The following NSD2 variants were observed in gnomAD, a reference collection of about 807,000 sequenced individuals.
NSD2 encodes the protein histone-lysine N-methyltransferase NSD2.
NSD2 carries 12 observed loss-of-function variants against 139.0 expected under a neutral mutation model. The observed-to-expected ratio is 0.09, with a 90% confidence interval of 0.06 to 0.14. The LOEUF (loss-of-function observed/expected upper bound fraction) is 0.14. Ranked by LOEUF, NSD2 falls within the 10% of genes least tolerant of loss-of-function variation. NSD2 has a pLI of 1.00. For missense variants in NSD2, 1,155 were observed against 1,745.0 expected (o/e 0.66, Z 6.02); for synonymous variants, 669 against 648.7 (o/e 1.03, Z -0.48).
chr4:1,963,397 A>C (rs1725560911), intron 18 of NSD2, among the ~76,000 whole-genome samples: 1 of 152,168 alleles, frequency 6.6e-6, no homozygotes, highest in African/African-American at 2.4e-5. Context: ...GGGACTAATA[A>C]ACTTGCCCCA....
At chr4:1,946,595 T>C (rs1723660302) in intron 9 of NSD2, 5 of 1,025,460 alleles carry the variant, frequency 4.9e-6, no homozygotes, top group Non-Finnish European at 5.9e-6. Flanking sequence ...AAAAGAAATA[T>C]TCTGATTCAT....
At chr4:1,975,724 G>A in intron 20 of NSD2, 1 of 284,814 alleles carries the variant, frequency 3.5e-6, no homozygotes, top group Non-Finnish European at 6.6e-6. Flanking sequence ...CGTTCCTGGT[G>A]GCGGCCACAG....
At chr4:1,967,451 G>A (rs533200589) in intron 18 of NSD2, among the ~76,000 whole-genome samples, 6 of 151,930 alleles carry the variant, frequency 3.9e-5, no homozygotes, top group Non-Finnish European at 7.4e-5. Flanking sequence ...GGTGGCGGGC[G>A]CCCATAATCC....
At chr4:1,966,981 A>G (rs1417677883) in intron 18 of NSD2, among the ~76,000 whole-genome samples, 1 of 152,230 alleles carries the variant, frequency 6.6e-6, no homozygotes, top group African/African-American at 2.4e-5. Flanking sequence ...CAATGAAACC[A>G]AAAGTTTGTT....
chr4:1,894,820 A>AT (rs1267700736), intron 1 of NSD2, among the ~76,000 whole-genome samples: 4 of 152,292 alleles, frequency 2.6e-5, no homozygotes, highest in Admixed American at 6.5e-5. Flanking sequence ...CATTTTAACT[A>AT]TTTTAAAGCA....
chr4:1,934,625 G>A (rs1256597114), intron 6 of NSD2, among the ~76,000 whole-genome samples: 6 of 149,472 alleles, frequency 4.0e-5, no homozygotes, highest in East Asian at 2.0e-4. Flanking sequence ...CGAGGCAGGC[G>A]GATCACGAGG....
chr4:1,930,326 G>C (rs112200469), intron 5 of NSD2, among the ~76,000 whole-genome samples: 2,838 of 152,282 alleles, frequency 0.019, 56 homozygotes, highest in Middle Eastern at 0.054. Context: ...TGGGTCTTAA[G>C]TGAGTTAGTG....
At chr4:1,912,883 T>A in intron 3 of NSD2, among the ~76,000 whole-genome samples, 1 of 152,182 alleles carries the variant, frequency 6.6e-6, no homozygotes, top group East Asian at 1.9e-4. Context: ...TTATTTACAT[T>A]GTTTTCTGTA....
intron 5 of NSD2, among the ~76,000 whole-genome samples, chr4:1,922,663 C>T (rs528824082): frequency 3.3e-5 from 5 of 152,302 alleles, no homozygotes; most frequent in South Asian, 2.1e-4. Flanking sequence ...TGGTGGCTTA[C>T]GCCTGTAATC....
intron 1 of NSD2, among the ~76,000 whole-genome samples, chr4:1,876,643 A>G (rs932261845): frequency 1.1e-4 from 17 of 152,154 alleles, no homozygotes; most frequent in African/African-American, 4.1e-4. Context: ...GTGAGCTGTG[A>G]TCATACCACC....
At chr4:1,888,410 CAAAAAAAAAAAAAAA>C in intron 1 of NSD2, among the ~76,000 whole-genome samples, 1 of 53,232 alleles carries the variant, frequency 1.9e-5, no homozygotes. Context: ...GAGATTGCCT[CAAAAAAAAAAAAAAA>C]AAAAAAAAAA....
chr4:1,946,926 AGTT>A (rs1174623979), intron 9 of NSD2: 1 of 1,058,488 alleles, frequency 9.4e-7, no homozygotes, highest in Non-Finnish European at 1.1e-6. Context: ...GCCTACCTAT[AGTT>A]GTTGGCCTTT....
Position 1,900,686 on chromosome 4 carries a change from C to G in NSD2, c.32C>G (p.Ser11Cys), listed in dbSNP as rs199734752. Residue 11 changes from serine to cysteine, a missense_variant, in exon 2 of 22, where the codon TCT (serine) becomes TGT (cysteine). Physicochemically the swap from Ser to Cys is moderately radical, Grantham distance 112. Coordinates refer to ENST00000508803, the MANE Select transcript of NSD2 (RefSeq NM_001042424.3). ...TTTAGCATCAAGCAGAGTCCCCTTT[C>G]TGTTCAGAGTGTTGTAAAGTGCATA... MEFSIKQSPL[S>C]VQSVVKCIKM... 1 of 1,603,184 alleles carries G rather than the reference C, an allele frequency of 6.2e-7. No individual in the cohort carries two copies. The highest frequency in any genetic ancestry group is 2.2e-5 in the East Asian group (1 of 44,702).
Position 1,918,445 on chromosome 4 carries a change from C to T in NSD2, c.1232C>T (p.Thr411Ile), listed in dbSNP as rs1270991536. The T allele has an allele frequency of 2.5e-6, 4 of 1,613,976 alleles. No homozygotes were observed. Among genetic ancestry groups the T allele is most frequent in the African/African-American group, 2.7e-5 (2 of 74,904 alleles). ...RRAKLCSSAE[T>I]LESHPDIGKS... The stretch of plus-strand genomic sequence containing the variant: ...GCCAAACTGTGTAGCTCTGCAGAGA[C>T]CCTGGAGAGTCACCCCGACATAGGG... The change falls in exon 5 of 22, where the codon ACC becomes ATC. Residue 411 changes from threonine (T) to isoleucine (I), a missense_variant. Thr to Ile is a moderately conservative substitution (Grantham distance 89). Around this residue, in one of 8 missense-constraint regions of NSD2, gnomAD observed 420 missense variants for 469.0 expected, o/e 0.90. Transcript: ENST00000508803.
Position 1,955,764 on chromosome 4 carries a change from G to A in NSD2, c.2590G>A (p.Asp864Asn), listed in dbSNP as rs748981703. 6.2e-7 allele frequency: 1 copy of A among 1,614,180 alleles called. No homozygotes were observed. ...TGACTGCCTGAACATCGAGATGCCT[G>A]ACGGCAGCTGGTTCTGCAATGACTG... The part of the protein sequence containing the change: ...HPDCLNIEMP[D>N]GSWFCNDCRA... The change falls in exon 14 of 22, where the codon GAC becomes AAC. Residue 864 changes from aspartate (D) to asparagine (N), a missense_variant. By Grantham distance (23) the Asp-to-Asn change is conservative. Transcript: ENST00000508803. This position sits in a 1 kb window ranked among gnomAD's most constrained non-coding sequence, Gnocchi z 4.7.
In NSD2 at chr4:1,953,354, G is replaced by A; in HGVS notation, c.2168G>A (p.Ser723Asn). 3.1e-6 allele frequency: 5 copies of A among 1,614,230 alleles called. No individual in the cohort carries two copies. The South Asian group carries it at 3.3e-5, about 11-fold the overall frequency. ...CACTCATGTTTCGTGTGTAAAGAGA[G>A]CAAGACAGATGTTAAGCGCTGTGTG... ...GIHSCFVCKESKTDVKRCVVT... is the reference protein window; with the variant it reads ...GIHSCFVCKENKTDVKRCVVT... The change falls in exon 12 of 22, where the codon AGC (serine) becomes AAC (asparagine). Residue 723 changes from serine (S) to asparagine (N), a missense_variant. Ser to Asn is a conservative substitution (Grantham distance 46, BLOSUM62 1). Coordinates refer to ENST00000508803, the MANE Select transcript of NSD2 (RefSeq NM_001042424.3).
At position 1,974,916 on chromosome 4, in the gene NSD2, C is replaced by T. The variant is rs1726911310; in HGVS notation, c.3426C>T (p.His1142=). The change falls in exon 19 of 22, where the codon CAC becomes CAT. Residue 1142 remains histidine (H), a synonymous_variant. Transcript: ENST00000508803. This position sits in a 1 kb window ranked among gnomAD's most constrained non-coding sequence, Gnocchi z 4.0. ...PKGNYSRFMN[H]SCQPNCETLK... ...GAAACTACTCTCGATTTATGAATCA[C>T]AGCTGCCAGCCCAACTGTGAGACCC... The T allele has an allele frequency of 6.2e-7, 1 of 1,614,246 alleles. No individual in the cohort carries two copies. The highest frequency in any genetic ancestry group is 1.1e-5 in the South Asian group (1 of 91,088).
chr4:1,969,058 C>T (rs946026642), intron 18 of NSD2, among the ~76,000 whole-genome samples: 10 of 152,202 alleles, frequency 6.6e-5, no homozygotes, highest in African/African-American at 1.4e-4. Flanking sequence ...CAGTGTCACC[C>T]GGACACAGGG....
intron 1 of NSD2, among the ~76,000 whole-genome samples, chr4:1,897,499 A>C (rs1716519854): frequency 6.6e-6 from 1 of 152,044 alleles, no homozygotes; most frequent in Admixed American, 6.6e-5. Flanking sequence ...AAGGGAAAAA[A>C]AAAATTGTTT....
Sources: gnomAD v4.1 joint callset for allele counts (sites outside exome capture counted in the v4.1 genomes callset) on GRCh38, gnomAD v4.1.1 for gene constraint, gnomAD v4.1.1 regional missense constraint, Gnocchi (gnomAD v3.1) non-coding constraint, MANE v1.5 for transcripts, NCBI Gene and HGNC (gene_info 2026-07-23, HGNC 2026-07-21) for gene names.